Variants in TLK1 observed in about 807,000 individuals in gnomAD.
TLK1 encodes tousled like kinase 1, also known as serine/threonine-protein kinase tousled-like 1.
In TLK1, 24 loss-of-function variants were observed where a neutral mutation model predicts 105.3. The observed-to-expected ratio is 0.23, with a 90% CI of 0.17 to 0.32. The LOEUF (loss-of-function observed/expected upper bound fraction) is 0.32, where lower values mean the gene tolerates loss of function less well. Ranked by LOEUF, TLK1 falls within the 10% of genes least tolerant of loss-of-function variation. The pLI, the probability that TLK1 is intolerant of heterozygous loss-of-function variation, is 1.00. For synonymous variants in TLK1, 321 were observed against 310.4 expected, an observed-to-expected ratio of 1.03 and a Z score of -0.36; for missense variants, 558 against 910.5, an observed-to-expected ratio of 0.61 and a Z score of 4.98.
intron 2 of TLK1, among the ~76,000 whole-genome samples, chr2:171,103,656 T>C (rs1310854988): frequency 2.0e-5 from 3 of 152,250 alleles, no homozygotes; most frequent in Non-Finnish European, 4.4e-5. Flanking sequence ...TAACAGCCTG[T>C]AGATGGAGTC....
chr2:171,133,413 A>G (rs1691182843), intron 1 of TLK1, among the ~76,000 whole-genome samples: 1 of 152,156 alleles, frequency 6.6e-6, no homozygotes, highest in African/African-American at 2.4e-5. Flanking sequence ...CCTGGCCAAC[A>G]TGGGGAAACC....
intron 1 of TLK1, among the ~76,000 whole-genome samples, chr2:171,226,985 G>C (rs1693909006): frequency 6.6e-6 from 1 of 152,156 alleles, no homozygotes. Context: ...CCATGAGGTA[G>C]ATACAAAATC....
chr2:171,105,864 C>A (rs939774091), intron 2 of TLK1, among the ~76,000 whole-genome samples: 1 of 151,966 alleles, frequency 6.6e-6, no homozygotes, highest in Non-Finnish European at 1.5e-5. Flanking sequence ...TGGGTATACA[C>A]AAAGGAAAGG....
chr2:171,006,159 G>GC lies in TLK1; in HGVS notation c.1891dup (p.Ala631GlyfsTer10), dbSNP rs1298457331. ...GTAATACACTTACCAGTAAGTGCCTGCCCCCTGGGAAGTTAGATCCATTCC... is the reference window on the plus strand; with the variant it reads ...GTAATACACTTACCAGTAAGTGCCTGCCCCCCTGGGAAGTTAGATCCATTCC... On this transcript the variant is annotated frameshift_variant, in exon 18 of 21. Transcript: ENST00000431350. LOFTEE classifies it high-confidence loss of function. 2 of 1,593,704 alleles carry GC rather than the reference G, an allele frequency of 1.3e-6. No homozygotes were observed. Among genetic ancestry groups the GC allele is most frequent in the Non-Finnish European group, 1.7e-6 (2 of 1,171,542 alleles).
intron 3 of TLK1, among the ~76,000 whole-genome samples, chr2:171,070,885 A>G (rs1223622758): frequency 1.3e-5 from 2 of 152,112 alleles, no homozygotes; most frequent in African/African-American, 4.8e-5. Flanking sequence ...CTTCACTTCT[A>G]CCAACAGTGT....
intron 1 of TLK1, among the ~76,000 whole-genome samples, chr2:171,180,675 T>C (rs1215607389): frequency 6.6e-6 from 1 of 152,190 alleles, no homozygotes; most frequent in Non-Finnish European, 1.5e-5. Flanking sequence ...GTTTCAGTAG[T>C]CCAGGAGGTT....
chr2:171,178,685 G>T (rs75650412), intron 1 of TLK1, among the ~76,000 whole-genome samples: 6,887 of 152,220 alleles, frequency 0.045, 458 homozygotes, highest in East Asian at 0.3. Flanking sequence ...ACAGGGAAGC[G>T]TAAGATTTTA....
At chr2:171,143,330 C>T (rs985806976) in intron 1 of TLK1, among the ~76,000 whole-genome samples, 2 of 151,594 alleles carry the variant, frequency 1.3e-5, no homozygotes, top group Non-Finnish European at 2.9e-5. Context: ...CACAGTGAAA[C>T]CCCATCTCTA....
chr2:171,150,949 T>C (rs774664612), intron 1 of TLK1, among the ~76,000 whole-genome samples: 18 of 152,206 alleles, frequency 1.2e-4, no homozygotes, highest in Non-Finnish European at 1.6e-4. Flanking sequence ...CAGAATAGTG[T>C]AACTGTTAAG....
intron 14 of TLK1, among the ~76,000 whole-genome samples, chr2:171,007,942 G>T (rs976314358): frequency 2.6e-5 from 4 of 151,952 alleles, no homozygotes; most frequent in African/African-American, 7.2e-5. Flanking sequence ...CATGACTTAT[G>T]TTTTTTTAAA....
chr2:171,164,531 T>C (rs1692572814), upstream of TLK1, among the ~76,000 whole-genome samples: 1 of 152,132 alleles, frequency 6.6e-6, no homozygotes, highest in African/African-American at 2.4e-5. Flanking sequence ...AAAAAGTTAA[T>C]AATAACTAGC....
chr2:171,107,314 C>T (rs996180018), intron 2 of TLK1, among the ~76,000 whole-genome samples: 2 of 152,086 alleles, frequency 1.3e-5, no homozygotes, highest in African/African-American at 4.8e-5. Flanking sequence ...ACACATTTCT[C>T]TTTTGTAATA....
rs1684914277 is a variant in TLK1 at position 171,011,491 on chromosome 2, A to G, written c.1335-37T>C. ...GGGCAAAAAACAGACATATTAAAAC[A>G]CACACATAAAAATTCCTTCTACACT... On this transcript the variant is annotated intron_variant, in intron 13 of 20. Transcript: ENST00000431350. The G allele has an allele frequency of 1.9e-6, 3 of 1,567,460 alleles. No individual in the cohort carries two copies. The South Asian group carries it at 3.5e-5, about 18-fold the overall frequency.
chr2:171,057,721 C>A (rs576759259), intron 5 of TLK1, among the ~76,000 whole-genome samples: 7 of 152,184 alleles, frequency 4.6e-5, no homozygotes, highest in Non-Finnish European at 8.8e-5. Context: ...TGAACTTTAA[C>A]TTCTATTCTT....
chr2:171,003,388 A>G (rs1317755927), intron 18 of TLK1, among the ~76,000 whole-genome samples: 1 of 149,996 alleles, frequency 6.7e-6, no homozygotes, highest in African/African-American at 2.5e-5. Context: ...TTTTTGTTGA[A>G]TTCATTTATC....
chr2:171,141,097 G>C (rs1470801559), intron 1 of TLK1, among the ~76,000 whole-genome samples: 4 of 152,104 alleles, frequency 2.6e-5, no homozygotes, highest in African/African-American at 9.7e-5. Flanking sequence ...ATACAAAAAA[G>C]GATGTAAGAA....
At chr2:171,198,193 A>T (rs1693312764) in intron 1 of TLK1, among the ~76,000 whole-genome samples, 1 of 152,254 alleles carries the variant, frequency 6.6e-6, no homozygotes, top group Non-Finnish European at 1.5e-5. Context: ...CAGAGAAAAA[A>T]AATGATAACG....
At chr2:171,023,181 G>GGA (rs1166862165) in intron 12 of TLK1, 7 of 470,654 alleles carry the variant, frequency 1.5e-5, no homozygotes, top group Admixed American at 9.4e-5. Flanking sequence ...AAGGAGCAAA[G>GGA]GAGAGAGAGA....
chr2:171,145,475 G>A lies in TLK1; in HGVS notation c.139+14815C>T, dbSNP rs186093168. Among the ~76,000 whole-genome samples, 58 of 150,596 alleles carry A rather than the reference G, an allele frequency of 3.9e-4. 1 individual carries two copies. The highest frequency in any genetic ancestry group is 2.1e-3 in the East Asian group (11 of 5,128). On this transcript the variant is annotated intron_variant, in intron 1 of 20. Coordinates refer to ENST00000431350, the MANE Select transcript of TLK1 (RefSeq NM_012290.5). ...CATGGTGGCGGGCACCTGTAATCCC[G>A]GCTACTCGGGAGGCTGAGGCAGGAG...
Sources: allele counts gnomAD v4.1 joint callset (sites outside exome capture counted in the v4.1 genomes callset), GRCh38; gene constraint gnomAD v4.1.1; transcripts MANE v1.5; gene names NCBI Gene and HGNC (gene_info 2026-07-23, HGNC 2026-07-21).